STAU2: variants seen among roughly 807,000 people sequenced by gnomAD.
STAU2 encodes the protein double-stranded RNA-binding protein Staufen homolog 2.
STAU2 carries 20 observed loss-of-function variants against 65.9 expected under a neutral mutation model. The ratio of observed to expected loss-of-function variants is 0.30; its 90% CI spans 0.21 to 0.44. STAU2 has a LOEUF of 0.44. Among genes scored for constraint, STAU2 ranks in the 20% least tolerant of loss-of-function variants. The probability of loss-of-function intolerance (pLI) is 1.00; values close to 1 mark genes in which losing one functional copy is unlikely to be tolerated. For missense variants in STAU2, 558 were observed against 683.9 expected (o/e 0.82, Z 2.05); for synonymous variants, 232 against 233.9 (o/e 0.99, Z 0.07).
rs373674607 is a variant in STAU2, at chr8:73,625,700, G to A, written c.411-8249C>T. ...TATACTTTAAAATAGTTAATCTTGTGTTACGTAAATTTTATTTCAATACAA... is the reference window on the plus strand; with the variant it reads ...TATACTTTAAAATAGTTAATCTTGTATTACGTAAATTTTATTTCAATACAA... On this transcript the variant is annotated intron_variant, in intron 6 of 14. Transcript: ENST00000524300. Among the ~76,000 whole-genome samples the A allele has an allele frequency of 2.0e-5, 3 of 152,238 alleles. No individual in the cohort carries two copies. The South Asian group carries it at 6.2e-4, about 32-fold the overall frequency.
intron 4 of STAU2, among the ~76,000 whole-genome samples, chr8:73,697,640 A>C (rs57803273): frequency 0.072 from 10,992 of 152,294 alleles, 430 homozygotes; most frequent in Middle Eastern, 0.14. Context: ...GAAATAGTGT[A>C]ATAAGACATA....
chr8:73,495,812 T>C (rs1821391140), intron 13 of STAU2, among the ~76,000 whole-genome samples: 1 of 151,314 alleles, frequency 6.6e-6, no homozygotes, highest in African/African-American at 2.4e-5. Context: ...GAAGCAACAA[T>C]TGATTCATAC....
chr8:73,551,209 A>G (rs1046531076), intron 13 of STAU2: 2 of 987,582 alleles, frequency 2.0e-6, no homozygotes, highest in Non-Finnish European at 2.4e-6. Flanking sequence ...AAAAGCTCCA[A>G]TGTATCCATA....
chr8:73,543,689 T>C (rs1446495710), intron 13 of STAU2, among the ~76,000 whole-genome samples: 1 of 152,188 alleles, frequency 6.6e-6, no homozygotes, highest in Admixed American at 6.5e-5. Flanking sequence ...ATCACTTTCA[T>C]GTTATATACT....
intron 5 of STAU2, among the ~76,000 whole-genome samples, chr8:73,686,950 T>A (rs980209321): frequency 6.7e-6 from 1 of 148,872 alleles, no homozygotes; most frequent in Admixed American, 6.7e-5. Flanking sequence ...TGGAGTGTAG[T>A]GGCGTGATCT....
chr8:73,486,695 C>G (rs184798224), intron 13 of STAU2, among the ~76,000 whole-genome samples: 2 of 148,042 alleles, frequency 1.4e-5, no homozygotes, highest in East Asian at 4.0e-4. Context: ...GCTCTGTTAC[C>G]CAGACTGGAG....
At chr8:73,642,934 G>C (rs539809231) in intron 6 of STAU2, among the ~76,000 whole-genome samples, 1 of 152,284 alleles carries the variant, frequency 6.6e-6, no homozygotes, top group East Asian at 1.9e-4. Flanking sequence ...GGTTAGAGAA[G>C]TAATAAAGGT....
intron 13 of STAU2, among the ~76,000 whole-genome samples, chr8:73,529,861 A>T (rs1805693009): frequency 6.6e-6 from 1 of 152,210 alleles, no homozygotes; most frequent in Non-Finnish European, 1.5e-5. Context: ...CTTCCACCGT[A>T]ATTCTTAGCC....
At chr8:73,600,724 T>C (rs1301896683) in intron 10 of STAU2, among the ~76,000 whole-genome samples, 1 of 152,242 alleles carries the variant, frequency 6.6e-6, no homozygotes, top group Non-Finnish European at 1.5e-5. Flanking sequence ...CATTCCTGTA[T>C]TCACCTTGTC....
intron 13 of STAU2, among the ~76,000 whole-genome samples, chr8:73,437,028 G>A (rs374758025): frequency 1.6e-3 from 243 of 152,150 alleles, no homozygotes; most frequent in African/African-American, 5.7e-3. Flanking sequence ...ATTCCTATGC[G>A]AACATTTCCT....
chr8:73,460,521 G>A (rs1819301443), intron 13 of STAU2, among the ~76,000 whole-genome samples: 1 of 152,216 alleles, frequency 6.6e-6, no homozygotes, highest in African/African-American at 2.4e-5. Flanking sequence ...CCCAACAGAG[G>A]TAAAGGATGG....
intron 4 of STAU2, among the ~76,000 whole-genome samples, chr8:73,693,368 G>A (rs1364116816): frequency 4.0e-5 from 6 of 151,560 alleles, no homozygotes; most frequent in African/African-American, 1.2e-4. Context: ...CCAGCTACTC[G>A]GGAGGCTGAG....
chr8:73,582,849 C>A lies in STAU2; in HGVS notation c.1162-19G>T. ...CCCCTGTCTGAAAGATTAAATCAAT[C>A]GTTCAAATCCAGAGAAACAAGCTTA... On this transcript the variant is annotated intron_variant, in intron 11 of 14. Transcript: ENST00000524300. 1 of 1,597,148 alleles carries A rather than the reference C, an allele frequency of 6.3e-7. No individual in the cohort carries two copies. The highest frequency in any genetic ancestry group is 8.5e-7 in the Non-Finnish European group (1 of 1,170,360).
chr8:73,588,052 G>C (rs1358387927), intron 11 of STAU2, among the ~76,000 whole-genome samples: 1 of 152,120 alleles, frequency 6.6e-6, no homozygotes, highest in Non-Finnish European at 1.5e-5. Context: ...AGAAAATCAA[G>C]ATGCAAGAAT....
At chr8:73,436,159 G>A (rs529609029) in intron 13 of STAU2, among the ~76,000 whole-genome samples, 65 of 152,022 alleles carry the variant, frequency 4.3e-4, no homozygotes, top group Non-Finnish European at 7.8e-4. Flanking sequence ...TGGATTGCAT[G>A]TGGGAGGGCT....
At chr8:73,636,838 G>C (rs1415460371) in intron 6 of STAU2, among the ~76,000 whole-genome samples, 1 of 151,270 alleles carries the variant, frequency 6.6e-6, no homozygotes, top group East Asian at 1.9e-4. Flanking sequence ...ACTCCAGCCT[G>C]GGTGACAGAG....
chr8:73,458,868 T>C (rs1199201503), intron 13 of STAU2: 1 of 152,240 alleles, frequency 6.6e-6, no homozygotes, highest in Non-Finnish European at 1.5e-5. Context: ...TAATTATACA[T>C]TGCCCCATCC....
At chr8:73,687,644 C>A (rs991769850) in intron 5 of STAU2, among the ~76,000 whole-genome samples, 1 of 151,026 alleles carries the variant, frequency 6.6e-6, no homozygotes, top group Non-Finnish European at 1.5e-5. Context: ...TTCAAGCAAT[C>A]CTCTTACCCA....
intron 13 of STAU2, among the ~76,000 whole-genome samples, chr8:73,506,734 T>C (rs1367130626): frequency 2.0e-5 from 3 of 152,156 alleles, no homozygotes; most frequent in Non-Finnish European, 2.9e-5. Context: ...AATTTCTCTG[T>C]AGTATGCAAT....
Sources: allele counts gnomAD v4.1 joint callset (sites outside exome capture counted in the v4.1 genomes callset), GRCh38; gene constraint gnomAD v4.1.1; transcripts MANE v1.5; gene names NCBI Gene and HGNC (gene_info 2026-07-23, HGNC 2026-07-21).